The following SMG7 variants were observed in gnomAD, a reference collection of about 807,000 sequenced individuals.
SMG7 encodes the protein SMG7 nonsense mediated mRNA decay factor, also known as nonsense-mediated mRNA decay factor SMG7.
A neutral mutation model predicts 148.2 loss-of-function variants in SMG7; 34 were observed. That is an observed-to-expected ratio of 0.23 (90% CI 0.17 to 0.31). The LOEUF is 0.31. Ranked by LOEUF, SMG7 falls within the 10% of genes least tolerant of loss-of-function variation. The pLI is 1.00. For missense variants in SMG7, 1,114 were observed against 1,408.4 expected, an observed-to-expected ratio of 0.79 and a Z score of 3.35; for synonymous variants, 492 against 515.1, an observed-to-expected ratio of 0.96 and a Z score of 0.61.
In SMG7 at chr1:183,549,363, T is replaced by C. The variant is rs781038514; in HGVS notation, c.2973+75T>C. 472 of 1,068,488 alleles carry C rather than the reference T, an allele frequency of 4.4e-4. 2 individuals are homozygous for C. The highest frequency in any genetic ancestry group is 4.3e-4 in the Non-Finnish European group (300 of 701,912). 66.2% of individuals were successfully genotyped at this position (1,068,488 alleles called of 1,614,324 possible). A position where few individuals can be genotyped will look rare whatever the true frequency, so the allele number is the denominator to read the frequency against. ...CATTGTCTTTCTCATACTGTTTCAG[T>C]ATGTCTGTTTTTTCTTTATTTTCCA... On this transcript the variant is annotated intron_variant, in intron 19 of 22. Coordinates refer to ENST00000688051, the MANE Select transcript of SMG7 (RefSeq NM_001375584.1).
chr1:183,483,348 T>C (rs1246363417), intron 1 of SMG7, among the ~76,000 whole-genome samples: 1 of 152,170 alleles, frequency 6.6e-6, no homozygotes, highest in South Asian at 2.1e-4. Flanking sequence ...TTATTTACTT[T>C]TGTATCAGGT....
At chr1:183,536,243 C>G (rs1667769416) in intron 10 of SMG7, among the ~76,000 whole-genome samples, 2 of 152,058 alleles carry the variant, frequency 1.3e-5, no homozygotes, top group African/African-American at 4.8e-5. Flanking sequence ...CAGGCCAAAA[C>G]CAATTATTTT....
At chr1:183,531,106 G>A (rs1490544654) in intron 8 of SMG7, among the ~76,000 whole-genome samples, 1 of 152,102 alleles carries the variant, frequency 6.6e-6, no homozygotes, top group Non-Finnish European at 1.5e-5. Context: ...AGCTTACCCA[G>A]TGTTGAACTA....
chr1:183,522,425 G>A (rs915121611), intron 4 of SMG7, among the ~76,000 whole-genome samples: 1 of 152,190 alleles, frequency 6.6e-6, no homozygotes, highest in African/African-American at 2.4e-5. Context: ...CCTGTTGAGT[G>A]CTGCTGAGAA....
chr1:183,528,412 C>T (rs896746446), intron 6 of SMG7, among the ~76,000 whole-genome samples: 4 of 152,068 alleles, frequency 2.6e-5, no homozygotes, highest in African/African-American at 9.7e-5. Context: ...TTAATGGCCC[C>T]AAACTAGGCA....
intron 4 of SMG7, among the ~76,000 whole-genome samples, chr1:183,524,029 C>T (rs946944320): frequency 3.3e-5 from 5 of 151,186 alleles, no homozygotes; most frequent in South Asian, 4.2e-4. Context: ...TAACCCATCC[C>T]GTTCAGGACA....
intron 2 of SMG7, among the ~76,000 whole-genome samples, chr1:183,514,220 A>AG (rs1382379492): frequency 6.6e-6 from 1 of 150,490 alleles, no homozygotes; most frequent in Non-Finnish European, 1.5e-5. Flanking sequence ...AATTCACAAA[A>AG]AAAAAAAAAA....
intron 1 of SMG7, among the ~76,000 whole-genome samples, chr1:183,487,199 T>C (rs889583611): frequency 1.3e-5 from 2 of 152,120 alleles, no homozygotes; most frequent in African/African-American, 4.8e-5. Context: ...TTCTAGAGTG[T>C]CTAGGAGGAA....
intron 1 of SMG7, among the ~76,000 whole-genome samples, chr1:183,477,796 A>G (rs1653011684): frequency 6.6e-6 from 1 of 151,934 alleles, no homozygotes; most frequent in Non-Finnish European, 1.5e-5. Context: ...ATGTATACAT[A>G]TATGTATATG....
At chr1:183,516,115 A>G (rs1310179013) in intron 3 of SMG7, 124 bp downstream of exon 3, 2 of 658,968 alleles carry the variant, frequency 3.0e-6, no homozygotes, top group Non-Finnish European at 5.4e-6. Flanking sequence ...AATGGAAAGT[A>G]ATTCTAGTAT....
chr1:183,529,662 A>T, intron 8 of SMG7, 129 bp downstream of exon 8: 1 of 696,832 alleles, frequency 1.4e-6, no homozygotes, highest in Non-Finnish European at 2.3e-6. Context: ...TATTCGAAGT[A>T]TGTGAAATCT....
chr1:183,485,666 G>A (rs1655265650), intron 1 of SMG7, among the ~76,000 whole-genome samples: 2 of 152,158 alleles, frequency 1.3e-5, no homozygotes, highest in African/African-American at 4.8e-5. Context: ...TGAATGACTT[G>A]CCAGTTTTTG....
rs763697367 is a variant in SMG7 at position 183,542,384 on chromosome 1, A to G, written c.1724A>G (p.Lys575Arg). 2 of 1,614,054 alleles carry G rather than the reference A, an allele frequency of 1.2e-6. No homozygotes were observed. The highest frequency in any genetic ancestry group is 1.7e-6 in the Non-Finnish European group (2 of 1,179,916). The change falls in exon 14 of 23, where the codon AAA becomes AGA. Residue 575 changes from lysine to arginine, a missense_variant. Lys to Arg is a conservative substitution (Grantham distance 26, BLOSUM62 2). Around this residue, in one of 4 missense-constraint regions of SMG7, gnomAD observed 788 missense variants for 894.5 expected, o/e 0.88. Coordinates refer to ENST00000688051, the MANE Select transcript of SMG7 (RefSeq NM_001375584.1). ...AAAGAGGTGAGAAGGGACTATAGCA[A>G]AGGAATAACTGTAACTAAGAATGAT... ...PPKEVRRDYS[K>R]GITVTKNDGK...
intron 7 of SMG7, 93 bp from the exon 8 acceptor site, chr1:183,529,305 T>G: frequency 7.2e-7 from 1 of 1,397,046 alleles, no homozygotes; most frequent in Non-Finnish European, 9.8e-7. Flanking sequence ...ACAGCTCTTT[T>G]GTGTATCAAG....
Position 183,495,883 on chromosome 1 carries a change from A to G in SMG7, c.30-16954A>G, listed in dbSNP as rs530527911. On this transcript the variant is annotated intron_variant, in intron 1 of 22. Coordinates refer to ENST00000688051, the MANE Select transcript of SMG7 (RefSeq NM_001375584.1). ...CCTTTTCTCAATGGAAAAAAAAAAAAGGCAAACTGAATAAATCATAAGCAA... is the reference window on the plus strand; with the variant it reads ...CCTTTTCTCAATGGAAAAAAAAAAAGGGCAAACTGAATAAATCATAAGCAA... Among the ~76,000 whole-genome samples the G allele has an allele frequency of 3.3e-5, 5 of 152,078 alleles. No individual in the cohort carries two copies. The East Asian group carries it at 9.6e-4, about 29-fold the overall frequency.
intron 1 of SMG7, among the ~76,000 whole-genome samples, chr1:183,492,301 C>T (rs953553922): frequency 6.6e-6 from 1 of 152,190 alleles, no homozygotes; most frequent in Non-Finnish European, 1.5e-5. Context: ...CATTAAATTA[C>T]TTTGATACCT....
rs536469239 is a variant in SMG7, at chr1:183,474,339, G to T, written c.29+1690G>T. Among the ~76,000 whole-genome samples, 3 of 152,358 alleles carry T rather than the reference G, an allele frequency of 2.0e-5. No homozygotes were observed. In the South Asian group the frequency reaches 6.2e-4, roughly 32 times the overall value. ...GCACTTTGGGAGGCCTAGGCGGGAGGATCACCTGAGGTCAGGAGTTCAAGA... is the reference window on the plus strand; with the variant it reads ...GCACTTTGGGAGGCCTAGGCGGGAGTATCACCTGAGGTCAGGAGTTCAAGA... On this transcript the variant is annotated intron_variant, in intron 1 of 22. Transcript: ENST00000688051.
intron 1 of SMG7, chr1:183,472,983 G>C (rs1651103634): frequency 5.8e-6 from 2 of 346,094 alleles, no homozygotes; most frequent in East Asian, 8.7e-5. Flanking sequence ...CGGCGACCCC[G>C]AGTGGAGGTG....
Position 183,550,806 on chromosome 1 carries a change from C to T in SMG7, c.3189C>T (p.Pro1063=), listed in dbSNP as rs746409439. ...SPHSSNPSSL[P]SSPPTHNHNS... The stretch of plus-strand genomic sequence containing the variant: ...ATTCCTCTAACCCAAGCAGCCTACC[C>T]AGCTCTCCTCCAACACACAACCATA... The change falls in exon 21 of 23, where the codon CCC becomes CCT. Residue 1063 remains proline, a synonymous_variant. Transcript: ENST00000688051. 6.2e-7 allele frequency: 1 copy of T among 1,614,030 alleles called. No homozygotes were observed.
Sources: gnomAD v4.1 joint callset for allele counts (sites outside exome capture counted in the v4.1 genomes callset) on GRCh38, gnomAD v4.1.1 for gene constraint, gnomAD v4.1.1 regional missense constraint, MANE v1.5 for transcripts, NCBI Gene and HGNC (gene_info 2026-07-23, HGNC 2026-07-21) for gene names.